The following COL4A1 variants were observed in gnomAD, a reference collection of about 807,000 sequenced individuals.
COL4A1 encodes the protein collagen alpha-1(IV) chain.
In COL4A1, 40 loss-of-function variants were observed where a neutral mutation model predicts 216.6. The ratio of observed to expected loss-of-function variants is 0.18; its 90% confidence interval spans 0.14 to 0.24. The LOEUF is 0.24. COL4A1 is among the 10% of genes least tolerant of loss of function. The probability of loss-of-function intolerance (pLI) is 1.00; values close to 1 mark genes in which losing one functional copy is unlikely to be tolerated. For synonymous variants in COL4A1, 839 were observed against 810.7 expected (o/e 1.03, Z -0.59); for missense variants, 1,628 against 2,196.8 (o/e 0.74, Z 5.18).
chr13:110,277,969 ATTC>A (rs1276584861), intron 1 of COL4A1, among the ~76,000 whole-genome samples: 1 of 152,210 alleles, frequency 6.6e-6, no homozygotes, highest in Non-Finnish European at 1.5e-5. Context: ...TTTCTAAAAA[ATTC>A]TTTCCTATTT....
chr13:110,261,587 T>C (rs1032335341), intron 1 of COL4A1, among the ~76,000 whole-genome samples: 3 of 152,210 alleles, frequency 2.0e-5, no homozygotes, highest in African/African-American at 7.2e-5. Context: ...ACAGAAGCGA[T>C]GGACTGCCCA....
intron 41 of COL4A1, among the ~76,000 whole-genome samples, chr13:110,171,300 T>C (rs1420445619): frequency 6.6e-6 from 1 of 152,032 alleles, no homozygotes; most frequent in African/African-American, 2.4e-5. Context: ...GGACGGTTGC[T>C]TGGGGAATGG....
intron 1 of COL4A1, among the ~76,000 whole-genome samples, chr13:110,296,363 A>C (rs953006025): frequency 6.6e-6 from 1 of 152,218 alleles, no homozygotes; most frequent in African/African-American, 2.4e-5. Context: ...TATAATCCCA[A>C]TATTTTGTAA....
intron 24 of COL4A1, 114 bp downstream of exon 24, chr13:110,192,100 A>G: frequency 9.2e-7 from 1 of 1,083,912 alleles, no homozygotes; most frequent in Non-Finnish European, 1.4e-6. Flanking sequence ...AGCAACACTT[A>G]CCAGCTCCCA....
intron 24 of COL4A1, among the ~76,000 whole-genome samples, chr13:110,190,485 G>A (rs1009078343): frequency 2.0e-5 from 3 of 152,080 alleles, no homozygotes; most frequent in Non-Finnish European, 2.9e-5. Context: ...TCGGGGAGTC[G>A]GCCTTTTGTG....
At chr13:110,246,711 A>G (rs1881829941) in intron 1 of COL4A1, among the ~76,000 whole-genome samples, 2 of 152,144 alleles carry the variant, frequency 1.3e-5, no homozygotes, top group Admixed American at 1.3e-4. Flanking sequence ...GGATGACCCT[A>G]CAGATAAGCT....
chr13:110,161,579 T>C lies in COL4A1; in HGVS notation c.4463-210A>G, dbSNP rs1215214082. Among the ~76,000 whole-genome samples, 5 of 152,242 alleles carry C rather than the reference T, an allele frequency of 3.3e-5. No individual in the cohort carries two copies. In the South Asian group the frequency reaches 8.3e-4, roughly 25 times the overall value. ...AAAGAAACCTTTTCCTAAAGCTGAA[T>C]TCTAGAAGGAACTTAACACATGGTT... On this transcript the variant is annotated intron_variant, in intron 48 of 51. Coordinates refer to ENST00000375820, the MANE Select transcript of COL4A1 (RefSeq NM_001845.6).
At chr13:110,277,828 C>T (rs1245848181) in intron 1 of COL4A1, among the ~76,000 whole-genome samples, 1 of 152,222 alleles carries the variant, frequency 6.6e-6, no homozygotes, top group Non-Finnish European at 1.5e-5. Context: ...TTAAAGGTCA[C>T]TCACTTCAAA....
rs928414161 is a variant in COL4A1 at position 110,197,356 on chromosome 13, G to A, written c.1285+1111C>T. Among the ~76,000 whole-genome samples the A allele has an allele frequency of 5.3e-5, 8 of 152,164 alleles. No homozygotes were observed. The East Asian group carries it at 1.5e-3, about 29-fold the overall frequency. ...TTGCTCCAGGACAGCAGGATCTGTT[G>A]AGTCTTGTCACCACTGCTAGATCTC... On this transcript the variant is annotated intron_variant, in intron 21 of 51. Transcript: ENST00000375820.
intron 42 of COL4A1, 110 bp downstream of exon 42, chr13:110,170,437 A>G (rs1877582920): frequency 2.5e-6 from 3 of 1,179,990 alleles, no homozygotes; most frequent in South Asian, 2.6e-5. Flanking sequence ...AATGCTGCAG[A>G]CTTCTAAATA....
intron 24 of COL4A1, among the ~76,000 whole-genome samples, chr13:110,189,880 G>A (rs770634165): frequency 1.4e-5 from 2 of 142,524 alleles, no homozygotes; most frequent in African/African-American, 2.5e-5. Context: ...GTAGGACCAA[G>A]GTTTCCTATC....
chr13:110,181,193 G>A, intron 29 of COL4A1, 99 bp downstream of exon 29: 1 of 1,143,464 alleles, frequency 8.7e-7, no homozygotes, highest in Non-Finnish European at 1.3e-6. Context: ...AAATCTGCTG[G>A]CCCAACATGT....
intron 1 of COL4A1, among the ~76,000 whole-genome samples, chr13:110,290,895 C>T (rs1367257761): frequency 6.6e-6 from 1 of 152,210 alleles, no homozygotes; most frequent in Admixed American, 6.5e-5. Context: ...CTCTCTTTGC[C>T]TTCAGTGGCC....
At chr13:110,290,325 C>G (rs777796507) in intron 1 of COL4A1, among the ~76,000 whole-genome samples, 1 of 152,242 alleles carries the variant, frequency 6.6e-6, no homozygotes, top group Admixed American at 6.5e-5. Flanking sequence ...CCAGAGGGAA[C>G]ACAATCTGTG....
chr13:110,159,936 C>T (rs367678127), intron 49 of COL4A1, among the ~76,000 whole-genome samples: 2 of 151,112 alleles, frequency 1.3e-5, no homozygotes, highest in Admixed American at 6.6e-5. Flanking sequence ...AATGGGGGGT[C>T]ACCAGAGGCT....
chr13:110,268,653 C>T lies in COL4A1; in HGVS notation c.85-25919G>A, dbSNP rs1883132487. 6.6e-6 allele frequency among the ~76,000 whole-genome samples: 1 copy of T among 152,220 alleles called. No individual in the cohort carries two copies. The highest frequency in any genetic ancestry group is 1.5e-5 in the Non-Finnish European group (1 of 68,038). ...GCTCTGCTGGCCATTGGCTGCATGG[C>T]TTGCCAAGGGGCTCTACCTCTCCAA... is the stretch of plus-strand genomic sequence containing the variant. On this transcript the variant is annotated intron_variant, in intron 1 of 51. Coordinates refer to ENST00000375820, the MANE Select transcript of COL4A1 (RefSeq NM_001845.6). The surrounding 1 kb of genome is among the most constrained non-coding windows in gnomAD (Gnocchi z 4.1).
At chr13:110,302,334 C>T (rs1884527567) in intron 1 of COL4A1, among the ~76,000 whole-genome samples, 1 of 151,832 alleles carries the variant, frequency 6.6e-6, no homozygotes, top group African/African-American at 2.4e-5. Flanking sequence ...CAAAGCAAGA[C>T]AGCCAAGGGG....
Position 110,152,473 on chromosome 13 carries a change from C to T in COL4A1, c.4789G>A (p.Ala1597Thr). Residue 1597 changes from alanine to threonine, a missense_variant, in exon 51 of 52, where the codon GCC becomes ACC. Transcript: ENST00000375820. ...TSAGAEGSGQ[A>T]LASPGSCLEE... ...AGGCAGGAGCCGGGGGACGCCAGGG[C>T]TTGGCCAGAGCCTTCTGCACCAGCG... 1.9e-6 allele frequency: 3 copies of T among 1,613,692 alleles called. No individual in the cohort carries two copies. Among genetic ancestry groups the T allele is most frequent in the Non-Finnish European group, 2.5e-6 (3 of 1,179,996 alleles).
At chr13:110,263,278 G>C (rs917331494) in intron 1 of COL4A1, among the ~76,000 whole-genome samples, 1 of 152,126 alleles carries the variant, frequency 6.6e-6, no homozygotes, top group Admixed American at 6.6e-5. Flanking sequence ...AATCAGGAAC[G>C]GAGGTTCAGA....
Sources: gnomAD v4.1 joint callset for allele counts (sites outside exome capture counted in the v4.1 genomes callset) on GRCh38, gnomAD v4.1.1 for gene constraint, Gnocchi (gnomAD v3.1) non-coding constraint, MANE v1.5 for transcripts, NCBI Gene and HGNC (gene_info 2026-07-23, HGNC 2026-07-21) for gene names.